LSAMP: variants seen among roughly 807,000 people sequenced by gnomAD.
LSAMP encodes the protein limbic system-associated membrane protein.
Under a neutral mutation model 38.6 loss-of-function variants are expected in LSAMP, and 7 were observed. The observed-to-expected ratio is 0.18, with a 90% confidence interval of 0.10 to 0.34. LSAMP has a LOEUF of 0.34. Ranked by LOEUF, LSAMP falls within the 10% of genes least tolerant of loss-of-function variation. LSAMP has a pLI of 1.00. For missense variants in LSAMP, 313 were observed against 420.0 expected (o/e 0.75, Z 2.23); for synonymous variants, 154 against 166.8 (o/e 0.92, Z 0.59).
chr3:116,211,943 A>G (rs576763188), intron 1 of LSAMP, among the ~76,000 whole-genome samples: 1 of 152,338 alleles, frequency 6.6e-6, no homozygotes, highest in African/African-American at 2.4e-5. Context: ...CCAAGCTTCC[A>G]TGGGGAAGCT....
intron 1 of LSAMP, among the ~76,000 whole-genome samples, chr3:116,322,316 G>A (rs957817395): frequency 6.6e-6 from 1 of 152,140 alleles, no homozygotes; most frequent in Non-Finnish European, 1.5e-5. Context: ...TTATATTATT[G>A]AAGTGGCTAT....
chr3:116,120,735 A>G (rs79567732), intron 1 of LSAMP, among the ~76,000 whole-genome samples: 3,267 of 152,208 alleles, frequency 0.021, 116 homozygotes, highest in African/African-American at 0.075. Flanking sequence ...TTTACCTTCT[A>G]CTTAGAAAAA....
intron 1 of LSAMP, among the ~76,000 whole-genome samples, chr3:116,181,548 C>T (rs1710485321): frequency 1.3e-5 from 2 of 152,024 alleles, no homozygotes; most frequent in African/African-American, 2.4e-5. Flanking sequence ...GCACATCATT[C>T]ACAGTATCAG....
rs753014336 is a variant in LSAMP at position 115,841,897 on chromosome 3, G to A, written c.867C>T (p.Thr289=). The A allele has an allele frequency of 9.3e-6, 15 of 1,613,960 alleles. No homozygotes were observed. Among genetic ancestry groups the A allele is most frequent in the South Asian group, 1.1e-5 (1 of 91,072 alleles). The change falls in exon 6 of 7, where the codon ACC becomes ACT. Residue 289 remains threonine, a synonymous_variant. Coordinates refer to ENST00000490035, the MANE Select transcript of LSAMP (RefSeq NM_002338.5). ...CCCCCAGCTTGTTGGCAGCCACACA[G>A]GTGTAGTTGCCGTAGTGCTCCTCAG... The part of the protein sequence containing the change: ...NVTEEHYGNY[T]CVAANKLGVT...
chr3:115,951,910 C>T (rs752555335), intron 3 of LSAMP, among the ~76,000 whole-genome samples: 4 of 152,004 alleles, frequency 2.6e-5, no homozygotes, highest in Non-Finnish European at 5.9e-5. Flanking sequence ...GGGCAAAGGA[C>T]ATGAATAGAC....
At chr3:116,190,284 T>C (rs1401391942) in intron 1 of LSAMP, among the ~76,000 whole-genome samples, 4 of 152,050 alleles carry the variant, frequency 2.6e-5, no homozygotes, top group African/African-American at 4.8e-5. Context: ...CAGTGAGTGA[T>C]AGATTTACCT....
intron 1 of LSAMP, among the ~76,000 whole-genome samples, chr3:116,391,991 C>A (rs984036208): frequency 1.3e-5 from 2 of 152,180 alleles, no homozygotes; most frequent in Non-Finnish European, 2.9e-5. Context: ...CCAAAGGCAC[C>A]CCATGGGCAG....
At chr3:116,139,611 A>G (rs1021351925) in intron 1 of LSAMP, among the ~76,000 whole-genome samples, 1 of 152,004 alleles carries the variant, frequency 6.6e-6, no homozygotes, top group Non-Finnish European at 1.5e-5. Context: ...TGCCAGATTC[A>G]TTGCAAGTTG....
chr3:116,399,126 T>C (rs2048807462), intron 1 of LSAMP, among the ~76,000 whole-genome samples: 1 of 152,150 alleles, frequency 6.6e-6, no homozygotes. Context: ...AGAAAATGAT[T>C]TAAAATAAGA....
chr3:116,273,707 T>TATATATATATATACAC (rs1307543165), intron 1 of LSAMP, among the ~76,000 whole-genome samples: 31 of 102,580 alleles, frequency 3.0e-4, no homozygotes, highest in Admixed American at 9.4e-4. Context: ...TATATATATA[T>TATATATATATATACAC]ACACACACAC....
intron 3 of LSAMP, among the ~76,000 whole-genome samples, chr3:115,955,628 G>A (rs1318237453): frequency 1.3e-5 from 2 of 152,120 alleles, no homozygotes; most frequent in Non-Finnish European, 2.9e-5. Flanking sequence ...AGAAGGGTCT[G>A]CTAGCCCAGC....
At chr3:116,102,498 T>C (rs9877662) in intron 1 of LSAMP, among the ~76,000 whole-genome samples, 23,121 of 152,200 alleles carry the variant, frequency 0.15, 1,930 homozygotes, top group Non-Finnish European at 0.19. Flanking sequence ...AACATTTGAA[T>C]TGGTAGACTG....
At chr3:116,064,646 C>G (rs941717862) in intron 2 of LSAMP, among the ~76,000 whole-genome samples, 1 of 151,786 alleles carries the variant, frequency 6.6e-6, no homozygotes, top group African/African-American at 2.4e-5. Context: ...AACAATAATA[C>G]CTAATAAAAA....
At chr3:116,115,956 C>T (rs1200021932) in intron 1 of LSAMP, among the ~76,000 whole-genome samples, 9 of 151,882 alleles carry the variant, frequency 5.9e-5, no homozygotes, top group Admixed American at 5.9e-4. Flanking sequence ...TCCTTTCAAC[C>T]TGGAAACTTA....
intron 1 of LSAMP, among the ~76,000 whole-genome samples, chr3:116,396,717 T>G (rs2048772634): frequency 1.3e-5 from 2 of 152,184 alleles, no homozygotes; most frequent in African/African-American, 2.4e-5. Flanking sequence ...ACTGTTCTAC[T>G]CAGTGTTTTC....
chr3:115,919,398 G>C (rs895040827), intron 3 of LSAMP, among the ~76,000 whole-genome samples: 1 of 152,072 alleles, frequency 6.6e-6, no homozygotes, highest in Non-Finnish European at 1.5e-5. Flanking sequence ...TGAGAAAGAG[G>C]GTATAAGTGC....
intron 2 of LSAMP, among the ~76,000 whole-genome samples, chr3:116,041,337 T>A (rs567567868): frequency 6.6e-6 from 1 of 152,146 alleles, no homozygotes; most frequent in Non-Finnish European, 1.5e-5. Context: ...AGTTGCTTGT[T>A]AATGAACATC....
chr3:116,174,817 C>G (rs748755422), intron 1 of LSAMP, among the ~76,000 whole-genome samples: 2 of 152,058 alleles, frequency 1.3e-5, no homozygotes, highest in African/African-American at 2.4e-5. Context: ...CATCAATTTC[C>G]CTTCAAAATC....
chr3:115,940,213 G>A (rs1937865982), intron 3 of LSAMP, among the ~76,000 whole-genome samples: 1 of 152,124 alleles, frequency 6.6e-6, no homozygotes, highest in Non-Finnish European at 1.5e-5. Flanking sequence ...ATTGTGAAGA[G>A]CAAAAGAACA....
Sources: gnomAD v4.1 joint callset for allele counts (sites outside exome capture counted in the v4.1 genomes callset) on GRCh38, gnomAD v4.1.1 for gene constraint, MANE v1.5 for transcripts, NCBI Gene and HGNC (gene_info 2026-07-23, HGNC 2026-07-21) for gene names.